HMGB1: variants seen among roughly 807,000 people sequenced by gnomAD.
HMGB1 encodes high mobility group protein B1.
For missense variants in HMGB1, 79 were observed against 253.5 expected, an observed-to-expected ratio of 0.31 and a Z score of 4.67; for synonymous variants, 81 against 84.0, an observed-to-expected ratio of 0.96 and a Z score of 0.19.
intron 1 of HMGB1, chr13:30,543,088 A>C (rs1868968680): frequency 6.8e-6 from 1 of 146,714 alleles, no homozygotes. Flanking sequence ...GGAAGTCCAC[A>C]CACATCCTCC....
At chr13:30,572,744 A>G (rs1870488038) in intron 1 of HMGB1, among the ~76,000 whole-genome samples, 1 of 152,222 alleles carries the variant, frequency 6.6e-6, no homozygotes, top group Non-Finnish European at 1.5e-5. Context: ...ACCACTCTAA[A>G]GAATAAGTTA....
At chr13:30,486,439 C>T (rs1427972168) in intron 1 of HMGB1, among the ~76,000 whole-genome samples, 3 of 152,192 alleles carry the variant, frequency 2.0e-5, no homozygotes, top group Non-Finnish European at 4.4e-5. Flanking sequence ...CTGCCAATGG[C>T]AGTGGTATGG....
chr13:30,465,110 C>A, intron 1 of HMGB1: 1 of 961,240 alleles, frequency 1.0e-6, no homozygotes, highest in South Asian at 4.7e-5. Context: ...GCCCGCCCGC[C>A]TTGTTTTCTC....
rs189015709 is a variant in HMGB1 at position 30,576,633 on chromosome 13, C to T, written c.-15+40038G>A. ...TACATGTTTTCCCTAGGTGATGTGA[C>T]CCAGCCTGTGGCTTCCACTGCCATC... On this transcript the variant is annotated intron_variant, in intron 1 of 4. Transcript: ENST00000405805. Among the ~76,000 whole-genome samples, 102 of 151,848 alleles carry T rather than the reference C, an allele frequency of 6.7e-4. 2 individuals are homozygous for T. The highest frequency in any genetic ancestry group is 2.4e-3 in the African/African-American group (100 of 41,384).
intron 1 of HMGB1, among the ~76,000 whole-genome samples, chr13:30,499,042 T>G (rs756571536): frequency 4.6e-5 from 7 of 151,392 alleles, no homozygotes; most frequent in Non-Finnish European, 8.8e-5. Flanking sequence ...AACCTCCGCC[T>G]CCTGGGTTCA....
At chr13:30,528,219 A>C (rs1478671384) in intron 1 of HMGB1, among the ~76,000 whole-genome samples, 1 of 152,188 alleles carries the variant, frequency 6.6e-6, no homozygotes, top group Non-Finnish European at 1.5e-5. Context: ...TAAATATGAA[A>C]TGTCTTTTTT....
At chr13:30,520,834 C>T (rs146697385) in intron 1 of HMGB1, among the ~76,000 whole-genome samples, 25 of 152,226 alleles carry the variant, frequency 1.6e-4, no homozygotes, top group African/African-American at 3.4e-4. Flanking sequence ...TCTTTGCTTG[C>T]CTATTTTTGA....
intron 1 of HMGB1, among the ~76,000 whole-genome samples, chr13:30,528,027 T>G (rs1286545701): frequency 6.6e-6 from 1 of 152,236 alleles, no homozygotes; most frequent in Non-Finnish European, 1.5e-5. Context: ...ATTTATGCAC[T>G]CTGGTGAACC....
intron 1 of HMGB1, among the ~76,000 whole-genome samples, chr13:30,546,466 G>A (rs1255477127): frequency 6.6e-6 from 1 of 152,070 alleles, no homozygotes; most frequent in African/African-American, 2.4e-5. Context: ...CACTGTTGAG[G>A]AGGGAATCTG....
At chr13:30,596,765 G>A (rs990385641) in intron 1 of HMGB1, among the ~76,000 whole-genome samples, 1 of 152,196 alleles carries the variant, frequency 6.6e-6, no homozygotes, top group Non-Finnish European at 1.5e-5. Flanking sequence ...AGTGCATGAT[G>A]TGCTCATTTC....
At chr13:30,472,079 A>G (rs549029922) in intron 1 of HMGB1, among the ~76,000 whole-genome samples, 10 of 150,874 alleles carry the variant, frequency 6.6e-5, no homozygotes, top group Middle Eastern at 3.2e-3. Flanking sequence ...GGAGTTCAAG[A>G]CCAGCCTGGC....
At chr13:30,546,972 A>G (rs1403555384) in intron 1 of HMGB1, among the ~76,000 whole-genome samples, 1 of 152,164 alleles carries the variant, frequency 6.6e-6, no homozygotes, top group Non-Finnish European at 1.5e-5. Context: ...TGTGTCTCCC[A>G]TCTTTCAAAA....
At chr13:30,465,332 C>G (rs1886708463) in intron 1 of HMGB1, 1 of 137,904 alleles carries the variant, frequency 7.3e-6, no homozygotes, top group Non-Finnish European at 1.6e-5. Flanking sequence ...CGCCAGCGCC[C>G]GGCTCGCTGC....
In HMGB1 at chr13:30,559,145, C is replaced by T. The variant is rs1869825935; in HGVS notation, c.-15+57526G>A. Among the ~76,000 whole-genome samples, 2 of 151,882 alleles carry T rather than the reference C, an allele frequency of 1.3e-5. No homozygotes were observed. The highest frequency in any genetic ancestry group is 1.3e-4 in the Admixed American group (2 of 15,268). On this transcript the variant is annotated intron_variant, in intron 1 of 4. Transcript: ENST00000405805. This position sits in a 1 kb window ranked among gnomAD's most constrained non-coding sequence, Gnocchi z 6.6. Reference sequence around the variant, plus strand: ...TCTGTTTCTTACATTGCCAAATGTACCTGGGGTGGGGGGTGCGGGTGGAGG... The same window carrying T: ...TCTGTTTCTTACATTGCCAAATGTATCTGGGGTGGGGGGTGCGGGTGGAGG...
At position 30,514,479 on chromosome 13, in the gene HMGB1, G is replaced by A. The variant is rs137988656; in HGVS notation, c.-14-50785C>T. On this transcript the variant is annotated intron_variant, in intron 1 of 4. Transcript: ENST00000405805. ...GTTAGGACTACAGGCATGTGCCACC[G>A]TACCTGGCAATTTTTAAAAACTCTA... 3.3e-3 allele frequency among the ~76,000 whole-genome samples: 491 copies of A among 148,882 alleles called. 3 individuals are homozygous for A. Among genetic ancestry groups the A allele is most frequent in the African/African-American group, 0.012 (474 of 40,506 alleles).
intron 1 of HMGB1, among the ~76,000 whole-genome samples, chr13:30,513,828 G>A (rs1261883636): frequency 6.6e-6 from 1 of 152,168 alleles, no homozygotes; most frequent in Non-Finnish European, 1.5e-5. Flanking sequence ...TTGCAGTGGG[G>A]ATCAAGTTTC....
intron 1 of HMGB1, among the ~76,000 whole-genome samples, chr13:30,490,555 G>A (rs1887464643): frequency 6.6e-6 from 1 of 150,936 alleles, no homozygotes; most frequent in African/African-American, 2.4e-5. Context: ...GGAGGCAGAG[G>A]TTGCAGTGAG....
intron 1 of HMGB1, among the ~76,000 whole-genome samples, chr13:30,566,520 C>A (rs569289961): frequency 1.3e-5 from 2 of 152,150 alleles, no homozygotes; most frequent in African/African-American, 4.8e-5. Flanking sequence ...ATGAAATATT[C>A]TTTTGATTTT....
chr13:30,509,261 T>C (rs901523571), intron 1 of HMGB1, among the ~76,000 whole-genome samples: 1 of 150,628 alleles, frequency 6.6e-6, no homozygotes, highest in East Asian at 2.0e-4. Flanking sequence ...TTTTTTGAGA[T>C]GGAATCTCAC....
Sources: allele counts gnomAD v4.1 joint callset (sites outside exome capture counted in the v4.1 genomes callset), GRCh38; gene constraint gnomAD v4.1.1; non-coding constraint Gnocchi (gnomAD v3.1); transcripts MANE v1.5; gene names NCBI Gene and HGNC (gene_info 2026-07-23, HGNC 2026-07-21).